The following SLC12A5 variants were observed in gnomAD, a reference collection of about 807,000 sequenced individuals.
The protein encoded by SLC12A5 is solute carrier family 12 member 5.
In SLC12A5, 18 loss-of-function variants were observed where a neutral mutation model predicts 124.0. The observed-to-expected ratio is 0.15, with a 90% CI of 0.10 to 0.22. The LOEUF is 0.22. Among genes scored for constraint, SLC12A5 ranks in the 10% least tolerant of loss-of-function variants. The pLI is 1.00. For missense variants in SLC12A5, 867 were observed against 1,478.7 expected (o/e 0.59, Z 6.78); for synonymous variants, 589 against 568.0 (o/e 1.04, Z -0.53).
intron 8 of SLC12A5, among the ~76,000 whole-genome samples, chr20:46,042,459 G>A (rs1320312184): frequency 1.3e-5 from 2 of 152,122 alleles, no homozygotes; most frequent in African/African-American, 2.4e-5. Flanking sequence ...TTACTGCAGT[G>A]CTTCTCAACC....
At chr20:46,047,666 G>T in intron 15 of SLC12A5, 93 bp downstream of exon 15, 1 of 1,498,048 alleles carries the variant, frequency 6.7e-7, no homozygotes, top group Non-Finnish European at 9.1e-7. Context: ...GGGGTGGTGG[G>T]GGTGAGATGA....
rs1568864800 is a variant in SLC12A5 at position 46,047,364 on chromosome 20, C to A, written c.1788-90C>A. On this transcript the variant is annotated intron_variant, in intron 14 of 25. Coordinates refer to ENST00000243964, the MANE Select transcript of SLC12A5 (RefSeq NM_020708.5). ...TGTCACCTCCCAGGTCTTGCCCATG[C>A]CCTGCCCCATCTCCCTCTTGCTTTC... 10 of 1,553,460 alleles carry A rather than the reference C, an allele frequency of 6.4e-6. No individual in the cohort carries two copies. The East Asian group carries it at 1.6e-4, about 25-fold the overall frequency.
rs114573156 is a variant in SLC12A5 at position 46,036,715 on chromosome 20, C to T, written c.427-26C>T. 1.2e-3 allele frequency: 1,874 copies of T among 1,613,382 alleles called. 15 individuals carry two copies. In the African/African-American group the frequency reaches 0.021, roughly 18 times the overall value. On this transcript the variant is annotated intron_variant, in intron 4 of 25. Transcript: ENST00000243964. ...CCACTGCGGCCCCTACCCCAGCCAC[C>T]GCTCTGATGATCTCTTTCCTCACAG...
chr20:46,035,484 G>A lies in SLC12A5; in HGVS notation c.228G>A (p.Arg76=). The stretch of plus-strand genomic sequence containing the variant: ...ACACCAACCTGCCCCAGGGAAGTAG[G>A]GAGCATGAAGAGGCAGAAAACAATG... ...ANYTNLPQGS[R]EHEEAENNEG... Residue 76 remains arginine (R), a synonymous_variant, in exon 3 of 26, where the codon AGG becomes AGA. Coordinates refer to ENST00000243964, the MANE Select transcript of SLC12A5 (RefSeq NM_020708.5). 6.2e-7 allele frequency: 1 copy of A among 1,613,918 alleles called. No individual in the cohort carries two copies. Among genetic ancestry groups the A allele is most frequent in the Non-Finnish European group, 8.5e-7 (1 of 1,179,948 alleles).
intron 1 of SLC12A5, among the ~76,000 whole-genome samples, chr20:46,029,877 TGTGTGTGTGTGTGCGC>T (rs932254604): frequency 5.7e-5 from 3 of 52,484 alleles, no homozygotes; most frequent in Admixed American, 1.5e-4. Context: ...TGTGTGTGTG[TGTGTGTGTGTGTGCGC>T]GCGCGTGCGT....
At position 46,046,322 on chromosome 20, in the gene SLC12A5, C is replaced by A. The variant is rs768892197; in HGVS notation, c.1689-16C>A. On this transcript the variant is annotated splice_polypyrimidine_tract_variant and intron_variant, in intron 13 of 25. Transcript: ENST00000243964. ...CTTTGCATCTCTGTCTCCCCTGGGGCCTTCCTGTGTTCCAGGTTCTTCCTG... is the reference window on the plus strand; with the variant it reads ...CTTTGCATCTCTGTCTCCCCTGGGGACTTCCTGTGTTCCAGGTTCTTCCTG... 6 of 1,610,728 alleles carry A rather than the reference C, an allele frequency of 3.7e-6. No individual in the cohort carries two copies. The African/African-American group carries it at 6.7e-5, about 18-fold the overall frequency.
At chr20:46,032,110 G>C (rs944385261) in intron 1 of SLC12A5, among the ~76,000 whole-genome samples, 9 of 152,210 alleles carry the variant, frequency 5.9e-5, no homozygotes, top group Non-Finnish European at 1.2e-4. Context: ...GCCCGGATCC[G>C]GCCTGGAGTC....
At chr20:46,035,132 C>A in intron 2 of SLC12A5, 90 bp downstream of exon 2, 1 of 1,303,486 alleles carries the variant, frequency 7.7e-7, no homozygotes, top group Non-Finnish European at 1.1e-6. Flanking sequence ...GGAGCAATAC[C>A]CTCGTCTCCA....
chr20:46,042,591 A>G (rs942217353), intron 8 of SLC12A5, among the ~76,000 whole-genome samples: 1 of 152,110 alleles, frequency 6.6e-6, no homozygotes, highest in African/African-American at 2.4e-5. Context: ...AACATCCTAC[A>G]ATGCTATAGG....
chr20:46,021,859 C>A, exon 1 of SLC12A5: 2 of 1,530,944 alleles, frequency 1.3e-6, no homozygotes, highest in Non-Finnish European at 1.7e-6. Flanking sequence ...CGCAGACCCC[C>A]GCCACCTCCC....
At chr20:46,043,354 G>T in intron 9 of SLC12A5, 31 bp downstream of exon 9, 1 of 1,603,838 alleles carries the variant, frequency 6.2e-7, no homozygotes, top group Non-Finnish European at 8.5e-7. Flanking sequence ...GGAAGACTCT[G>T]CCTGTGAGTG....
Position 46,043,220 on chromosome 20 carries a change from C to T in SLC12A5, c.1134C>T (p.Gly378=). The T allele has an allele frequency of 6.2e-7, 1 of 1,614,014 alleles. No homozygotes were observed. ...AGAGGAGTGGGATGACCTCGGTGGG[C>T]CTGGCCGATGGCACTCCTATCGACA... ...IVERSGMTSV[G]LADGTPIDMD... The change falls in exon 9 of 26, where the codon GGC becomes GGT. Residue 378 remains glycine, a synonymous_variant. Coordinates refer to ENST00000243964, the MANE Select transcript of SLC12A5 (RefSeq NM_020708.5).
chr20:46,042,568 C>T (rs2084557093), intron 8 of SLC12A5, among the ~76,000 whole-genome samples: 1 of 152,036 alleles, frequency 6.6e-6, no homozygotes, highest in Non-Finnish European at 1.5e-5. Context: ...AGGTAGAGGC[C>T]ACGATGCTGC....
Position 46,057,549 on chromosome 20 carries a change from G to C in SLC12A5, c.3295G>C (p.Asp1099His). 1 of 1,614,136 alleles carries C rather than the reference G, an allele frequency of 6.2e-7. No individual in the cohort carries two copies. The highest frequency in any genetic ancestry group is 8.5e-7 in the Non-Finnish European group (1 of 1,180,036). ...TCTCGAGGTCCTCACAGAGCACCTGGACCGGGTGATGCTGGTCCGCGGCGG... is the reference window on the plus strand; with the variant it reads ...TCTCGAGGTCCTCACAGAGCACCTGCACCGGGTGATGCTGGTCCGCGGCGG... ...EFLEVLTEHL[D>H]RVMLVRGGGR... The change falls in exon 26 of 26, where the codon GAC becomes CAC. Residue 1099 changes from aspartate (D) to histidine (H), a missense_variant. Asp to His is a moderately conservative substitution (Grantham distance 81). Transcript: ENST00000243964. The surrounding 1 kb of genome is among the most constrained non-coding windows in gnomAD (Gnocchi z 7.1).
chr20:46,023,636 C>G (rs767357632), downstream of SLC12A5: 4 of 394,690 alleles, frequency 1.0e-5, no homozygotes, highest in African/African-American at 8.2e-5. Flanking sequence ...CATTCATTCT[C>G]CCACCTCCAT....
intron 18 of SLC12A5, 102 bp downstream of exon 18, chr20:46,051,972 C>G: frequency 1.0e-6 from 1 of 1,000,814 alleles, no homozygotes; most frequent in South Asian, 1.8e-5. Flanking sequence ...GTTTCCCAAG[C>G]ACTGCGTGCC....
chr20:46,051,928 T>A, intron 18 of SLC12A5, 58 bp downstream of exon 18: 2 of 1,337,642 alleles, frequency 1.5e-6, no homozygotes, highest in Non-Finnish European at 2.0e-6. Flanking sequence ...TGTAGAGGGG[T>A]GGAACTGGAT....
At chr20:46,022,714 G>A (rs1211959049) in intron 1 of SLC12A5, 3 of 397,970 alleles carry the variant, frequency 7.5e-6, no homozygotes, top group Admixed American at 8.8e-5. Flanking sequence ...GGCGGGGTTG[G>A]GGGCGTCTTC....
Position 46,053,571 on chromosome 20 carries a change from C to A in SLC12A5, c.2548-7C>A. ...GGACCTTTCTGAATCCCCTTCATCG[C>A]CTGCAGGTCTGGCGGAAGTGCAAGA... On this transcript the variant is annotated splice_region_variant and splice_polypyrimidine_tract_variant and intron_variant, in intron 19 of 25. Transcript: ENST00000243964. The surrounding 1 kb of genome is among the most constrained non-coding windows in gnomAD (Gnocchi z 4.7). 1 of 1,613,594 alleles carries A rather than the reference C, an allele frequency of 6.2e-7. No individual in the cohort carries two copies. Among genetic ancestry groups the A allele is most frequent in the Non-Finnish European group, 8.5e-7 (1 of 1,179,682 alleles).
Sources: gnomAD v4.1 joint callset for allele counts (sites outside exome capture counted in the v4.1 genomes callset) on GRCh38, gnomAD v4.1.1 for gene constraint, Gnocchi (gnomAD v3.1) non-coding constraint, MANE v1.5 for transcripts, NCBI Gene and HGNC (gene_info 2026-07-23, HGNC 2026-07-21) for gene names.